Variants in PDZD2 observed in about 807,000 individuals in gnomAD.
PDZD2 encodes PDZ domain-containing protein 2.
A neutral mutation model predicts 220.7 loss-of-function variants in PDZD2; 90 were observed. The observed-to-expected ratio is 0.41, with a 90% confidence interval of 0.34 to 0.49. The LOEUF (loss-of-function observed/expected upper bound fraction) is 0.49. Ranked by LOEUF, PDZD2 falls within the 20% of genes least tolerant of loss-of-function variation. The pLI, the probability that PDZD2 is intolerant of heterozygous loss-of-function variation, is 0.28. For missense variants in PDZD2, 3,174 were observed against 3,608.5 expected (o/e 0.88, Z 3.08); for synonymous variants, 1,375 against 1,450.5 (o/e 0.95, Z 1.18).
chr5:31,967,168 G>A (rs1748835260), intron 2 of PDZD2, among the ~76,000 whole-genome samples: 1 of 152,182 alleles, frequency 6.6e-6, no homozygotes, highest in Admixed American at 6.5e-5. Context: ...GAAGAATTGA[G>A]GCAAGCTGGG....
chr5:31,965,698 C>T (rs1429798927), intron 2 of PDZD2, among the ~76,000 whole-genome samples: 4 of 152,116 alleles, frequency 2.6e-5, no homozygotes, highest in Non-Finnish European at 5.9e-5. Flanking sequence ...AGTTCAAGAC[C>T]AGCCTGACCA....
chr5:32,069,490 T>C, intron 14 of PDZD2, 79 bp from the exon 15 acceptor site: 1 of 828,854 alleles, frequency 1.2e-6, no homozygotes, highest in Non-Finnish European at 2.1e-6. Context: ...CACTTGACTC[T>C]GACTCTGGTC....
intron 1 of PDZD2, among the ~76,000 whole-genome samples, chr5:31,796,885 C>G (rs16901567): frequency 6.6e-6 from 1 of 151,488 alleles, no homozygotes; most frequent in African/African-American, 2.4e-5. Context: ...TAAAGAGCAT[C>G]TTGACCAAGA....
chr5:32,071,238 G>A (rs953517877), intron 15 of PDZD2, 146 bp from the exon 16 acceptor site: 28 of 727,896 alleles, frequency 3.8e-5, no homozygotes, highest in Admixed American at 9.4e-5. Context: ...CTGCATGCAC[G>A]TCTAACCCTG....
intron 1 of PDZD2, among the ~76,000 whole-genome samples, chr5:31,761,874 AAG>A (rs1554071810): frequency 6.6e-6 from 1 of 151,658 alleles, no homozygotes; most frequent in Non-Finnish European, 1.5e-5. Context: ...AAAAAAAAAA[AAG>A]AGGGTTAATT....
chr5:31,942,422 A>C (rs1189166875), intron 2 of PDZD2, among the ~76,000 whole-genome samples: 2 of 151,960 alleles, frequency 1.3e-5, no homozygotes, highest in Non-Finnish European at 2.9e-5. Flanking sequence ...GGAGAAATGT[A>C]ATTATTTCAT....
At chr5:32,018,505 T>A (rs1753947225) in intron 6 of PDZD2, among the ~76,000 whole-genome samples, 1 of 152,240 alleles carries the variant, frequency 6.6e-6, no homozygotes, top group South Asian at 2.1e-4. Context: ...CGGATCCTCA[T>A]GAGCACAGAC....
At chr5:31,986,559 A>T (rs1370643641) in intron 3 of PDZD2, among the ~76,000 whole-genome samples, 1 of 136,128 alleles carries the variant, frequency 7.3e-6, no homozygotes. Flanking sequence ...AGTTCTTGGG[A>T]TTTTTATTTT....
intron 14 of PDZD2, among the ~76,000 whole-genome samples, chr5:32,064,409 T>C (rs1740000521): frequency 6.6e-6 from 1 of 151,792 alleles, no homozygotes; most frequent in Non-Finnish European, 1.5e-5. Flanking sequence ...GCTCAACTAA[T>C]CTTTTGTATT....
chr5:31,853,219 G>GT (rs899129327), intron 2 of PDZD2, among the ~76,000 whole-genome samples: 3 of 152,120 alleles, frequency 2.0e-5, no homozygotes, highest in Admixed American at 2.0e-4. Context: ...AATACCCTTG[G>GT]TTTTTTCTGA....
At chr5:31,972,533 G>C (rs904673526) in intron 2 of PDZD2, among the ~76,000 whole-genome samples, 12 of 152,134 alleles carry the variant, frequency 7.9e-5, no homozygotes, top group African/African-American at 2.9e-4. Flanking sequence ...GCTCCACAAA[G>C]ACAGGAATCT....
intron 1 of PDZD2, chr5:31,725,528 A>T: frequency 1.5e-6 from 2 of 1,353,260 alleles, no homozygotes; most frequent in Non-Finnish European, 1.0e-6. Flanking sequence ...GGTTTATACT[A>T]CCAGGGGCCA....
In PDZD2 at chr5:32,074,433, G is replaced by A; in HGVS notation, c.3327G>A (p.Gln1109=). 1 of 1,614,236 alleles carries A rather than the reference G, an allele frequency of 6.2e-7. No individual in the cohort carries two copies. The highest frequency in any genetic ancestry group is 8.5e-7 in the Non-Finnish European group (1 of 1,180,040). The change falls in exon 18 of 25, where the codon CAG becomes CAA. Residue 1109 remains glutamine (Q), a synonymous_variant. Coordinates refer to ENST00000438447, the MANE Select transcript of PDZD2 (RefSeq NM_178140.4). The part of the protein sequence containing the change: ...TNTGSPSSPQ[Q]KSEGLGSRHR... The stretch of plus-strand genomic sequence containing the variant: ...CTGGGAGCCCCAGTTCCCCCCAGCA[G>A]AAAAGTGAAGGCCTGGGCTCCAGGC...
chr5:31,845,037 G>A (rs554892747), intron 2 of PDZD2, among the ~76,000 whole-genome samples: 6 of 152,274 alleles, frequency 3.9e-5, no homozygotes, highest in African/African-American at 1.4e-4. Flanking sequence ...AGAAATGGAA[G>A]AAGATATTGT....
chr5:31,811,927 T>C (rs1755136504), intron 2 of PDZD2, among the ~76,000 whole-genome samples: 1 of 151,786 alleles, frequency 6.6e-6, no homozygotes, highest in Non-Finnish European at 1.5e-5. Context: ...GAGGTGGAAG[T>C]TGCAGTGAGC....
At chr5:32,032,686 G>A (rs1469964463) in intron 6 of PDZD2, among the ~76,000 whole-genome samples, 2 of 152,144 alleles carry the variant, frequency 1.3e-5, no homozygotes, top group African/African-American at 2.4e-5. Flanking sequence ...ATGTTAGTGT[G>A]GTTTCAAAGG....
chr5:31,928,434 G>T (rs1744981348), intron 2 of PDZD2, among the ~76,000 whole-genome samples: 1 of 152,012 alleles, frequency 6.6e-6, no homozygotes, highest in African/African-American at 2.4e-5. Flanking sequence ...AATATAGAAT[G>T]TATTTTTGGA....
At chr5:31,682,047 C>T (rs1177745786) in intron 1 of PDZD2, among the ~76,000 whole-genome samples, 2 of 152,062 alleles carry the variant, frequency 1.3e-5, no homozygotes, top group African/African-American at 2.4e-5. Flanking sequence ...CTCCCTAAGA[C>T]GCATAGATAG....
At chr5:31,944,425 T>C (rs147300657) in intron 2 of PDZD2, among the ~76,000 whole-genome samples, 108 of 152,270 alleles carry the variant, frequency 7.1e-4, no homozygotes, top group African/African-American at 2.5e-3. Flanking sequence ...TTCTAACAAA[T>C]TCAAACAAAT....
Sources: gnomAD v4.1 joint callset for allele counts (sites outside exome capture counted in the v4.1 genomes callset) on GRCh38, gnomAD v4.1.1 for gene constraint, MANE v1.5 for transcripts, NCBI Gene and HGNC (gene_info 2026-07-23, HGNC 2026-07-21) for gene names.